The following ADGRF1 variants were observed in gnomAD, a reference collection of about 807,000 sequenced individuals.
ADGRF1 encodes adhesion G protein-coupled receptor F1, also known as G protein-coupled receptor 110.
In ADGRF1, 85 loss-of-function variants were observed where a neutral mutation model predicts 87.2. That is an observed-to-expected ratio of 0.97 (90% CI 0.82 to 1.17). The LOEUF is 1.17. Ranked by LOEUF, ADGRF1 falls within the 50% of genes most tolerant of loss-of-function variation. The pLI, the probability that ADGRF1 is intolerant of heterozygous loss-of-function variation, is 0.00. For missense variants in ADGRF1, 1,169 were observed against 1,077.2 expected, an observed-to-expected ratio of 1.09 and a Z score of -1.19; for synonymous variants, 430 against 408.8, an observed-to-expected ratio of 1.05 and a Z score of -0.63.
In ADGRF1 at chr6:47,012,145, G is replaced by A. The variant is rs762621137; in HGVS notation, c.978C>T (p.Phe326=). The part of the protein sequence containing the change: ...GNATEAAVSS[F]VQNLSVIIRQ... ...GAATGATGACAGAAAGATTTTGCAC[G>A]AAGGATGACACAGCTGCCTCAGTGG... Residue 326 remains phenylalanine, a synonymous_variant, in exon 10 of 15, where the codon TTC becomes TTT. Transcript: ENST00000371253. The A allele has an allele frequency of 2.1e-5, 34 of 1,613,876 alleles. No individual in the cohort carries two copies. Among genetic ancestry groups the A allele is most frequent in the Non-Finnish European group, 2.8e-5 (33 of 1,179,886 alleles).
intron 3 of ADGRF1, among the ~76,000 whole-genome samples, chr6:47,026,927 G>A (rs1312287521): frequency 2.0e-5 from 3 of 152,158 alleles, no homozygotes; most frequent in East Asian, 1.9e-4. Context: ...TGCTCACATC[G>A]TCAGGGGTTA....
At chr6:47,000,352 G>A in intron 14 of ADGRF1, 57 bp from the exon 15 acceptor site, 2 of 1,294,564 alleles carry the variant, frequency 1.5e-6, no homozygotes, top group South Asian at 2.5e-5. Flanking sequence ...TCAAGCATGA[G>A]ACCAAAATGA....
chr6:47,016,796 G>T, intron 7 of ADGRF1, 28 bp from the exon 8 acceptor site: 1 of 1,551,824 alleles, frequency 6.4e-7, no homozygotes, highest in South Asian at 1.2e-5. Flanking sequence ...AAAGAGAAAT[G>T]AGATTCACTA....
chr6:47,037,151 C>G (rs1186903199), intron 1 of ADGRF1, among the ~76,000 whole-genome samples: 2 of 152,160 alleles, frequency 1.3e-5, no homozygotes, highest in African/African-American at 2.4e-5. Context: ...TCCACAGTAT[C>G]TTTTTAATGT....
chr6:47,005,979 C>T (rs560522814), intron 12 of ADGRF1, 103 bp from the exon 13 acceptor site: 2 of 663,408 alleles, frequency 3.0e-6, no homozygotes, highest in East Asian at 5.7e-5. Flanking sequence ...AGTATTATTT[C>T]CTAGAAGCAG....
At chr6:47,036,549 A>C (rs1234115) in intron 1 of ADGRF1, among the ~76,000 whole-genome samples, 1 of 152,082 alleles carries the variant, frequency 6.6e-6, no homozygotes, top group African/African-American at 2.4e-5. Flanking sequence ...ACCTTTATAC[A>C]TAAATGGTCA....
chr6:47,042,001 C>T (rs1371198322), intron 1 of ADGRF1, among the ~76,000 whole-genome samples, 190 bp downstream of exon 1: 2 of 152,078 alleles, frequency 1.3e-5, no homozygotes, highest in African/African-American at 2.4e-5. Flanking sequence ...AGTTAGTAAG[C>T]GGGTTGAAAT....
At chr6:47,040,499 A>G (rs927448464) in intron 1 of ADGRF1, among the ~76,000 whole-genome samples, 4 of 150,380 alleles carry the variant, frequency 2.7e-5, no homozygotes, top group Non-Finnish European at 5.9e-5. Flanking sequence ...AAAAAAAAAA[A>G]CAGGCAAAAT....
At chr6:47,001,344 C>T (rs1267552012) in intron 14 of ADGRF1, among the ~76,000 whole-genome samples, 157 bp downstream of exon 14, 1 of 152,232 alleles carries the variant, frequency 6.6e-6, no homozygotes, top group African/African-American at 2.4e-5. Context: ...TCTGTCAGCC[C>T]TGAGCACGGT....
chr6:47,018,478 A>G (rs1779946269), intron 7 of ADGRF1: 1 of 1,289,618 alleles, frequency 7.8e-7, no homozygotes, highest in Non-Finnish European at 1.0e-6. Flanking sequence ...TGGTCACAAT[A>G]CCTTTGTATT....
chr6:47,009,179 C>T lies in ADGRF1; in HGVS notation c.2256G>A (p.Leu752=). Residue 752 remains leucine (L), a synonymous_variant, in exon 11 of 15, where the codon CTG becomes CTA. Transcript: ENST00000371253. ...KPLLAFVVPA[L]AIVAVNFVVV... ...CAACGAAGTTCACAGCCACAATAGC[C>T]AGTGCAGGGACAACAAAAGCCAGGA... The T allele has an allele frequency of 6.2e-7, 1 of 1,614,164 alleles. No individual in the cohort carries two copies. The highest frequency in any genetic ancestry group is 8.5e-7 in the Non-Finnish European group (1 of 1,180,036).
chr6:47,022,263 G>A (rs1780081541), intron 5 of ADGRF1, among the ~76,000 whole-genome samples: 1 of 152,172 alleles, frequency 6.6e-6, no homozygotes, highest in Non-Finnish European at 1.5e-5. Context: ...CAGTAATAGG[G>A]AAGTGCTGGT....
Position 46,998,537 on chromosome 6 carries a change from G to T in ADGRF1, c.*1685C>A, listed in dbSNP as rs1873318. ...AGACATACAGGCTATTCTCAACACA[G>T]AACTCATTCAGGGCTCTACTACCGG... On this transcript the variant is annotated 3_prime_UTR_variant, in exon 15 of 15. Transcript: ENST00000371253. 14,165 of 152,198 alleles carry T rather than the reference G, an allele frequency of 0.093. 1,006 individuals are homozygous for T. Among genetic ancestry groups the T allele is most frequent in the African/African-American group, 0.19 (7,684 of 41,488 alleles). 9.4% of individuals were successfully genotyped at this position (152,198 alleles called of 1,614,324 possible).
At chr6:47,021,816 G>A in intron 6 of ADGRF1, 142 bp downstream of exon 6, 1 of 575,660 alleles carries the variant, frequency 1.7e-6, no homozygotes, top group Non-Finnish European at 3.1e-6. Context: ...TTTCAACTGT[G>A]GGCAGAGCAA....
Position 47,009,260 on chromosome 6 carries a change from AT to A in ADGRF1, c.2174del (p.Asn725IlefsTer33). On this transcript the variant is annotated frameshift_variant, in exon 11 of 15. Transcript: ENST00000371253. LOFTEE classifies it high-confidence loss of function. Reference sequence around the variant, plus strand: ...AACACACATCTTTCCTTTTGTAGGTATTGCTAGGTTGCGTGACAGCAATGGT... The same window carrying A: ...AACACACATCTTTCCTTTTGTAGGTATGCTAGGTTGCGTGACAGCAATGGT... ...VITIAVTQPSNTYKRKDVCWL... is the reference protein window; with the variant it reads ...VITIAVTQPSXTYKRKDVCWL... The A allele has an allele frequency of 6.2e-7, 1 of 1,614,168 alleles. No individual in the cohort carries two copies. The highest frequency in any genetic ancestry group is 8.5e-7 in the Non-Finnish European group (1 of 1,180,020).
chr6:47,029,885 G>T (rs917508219), intron 1 of ADGRF1, among the ~76,000 whole-genome samples: 17 of 152,206 alleles, frequency 1.1e-4, no homozygotes, highest in African/African-American at 3.9e-4. Context: ...ACACAGAACG[G>T]TTACATCATT....
rs761360714 is a variant in ADGRF1, at chr6:47,020,806, A to AGAACAAT, written c.553-24_553-18dup. The AGAACAAT allele has an allele frequency of 2.2e-5, 36 of 1,605,328 alleles. No individual in the cohort carries two copies. In the Admixed American group the frequency reaches 5.8e-4, roughly 26 times the overall value. On this transcript the variant is annotated splice_polypyrimidine_tract_variant and intron_variant, in intron 6 of 14. Transcript: ENST00000371253. The stretch of plus-strand genomic sequence containing the variant: ...TTTTTTAAGCTTAGAAAGAGAACAA[A>AGAACAAT]GAACAATGTGTTAATTGTTCTTCCC...
intron 1 of ADGRF1, among the ~76,000 whole-genome samples, chr6:47,031,597 A>G (rs1780434713): frequency 6.6e-6 from 1 of 152,154 alleles, no homozygotes; most frequent in Non-Finnish European, 1.5e-5. Context: ...AATTTCAGAC[A>G]AGTGAGGAAG....
rs1472973676 is a variant in ADGRF1 at position 47,010,242 on chromosome 6, T to C, written c.1193A>G (p.Lys398Arg). The change falls in exon 11 of 15, where the codon AAG becomes AGG. Residue 398 changes from lysine (K) to arginine (R), a missense_variant. Physicochemically the swap from Lys to Arg is conservative, Grantham distance 26. Transcript: ENST00000371253. ...CTCTAGTAACCGTGAGCTGGCATACTTTTCTTCCCGCAGTAAGACTGTCCA... is the reference window on the plus strand; with the variant it reads ...CTCTAGTAACCGTGAGCTGGCATACCTTTCTTCCCGCAGTAAGACTGTCCA... Reference protein sequence around the residue: ...TNWTVLLREEKYASSRLLETL... With the variant: ...TNWTVLLREERYASSRLLETL... 6.2e-7 allele frequency: 1 copy of C among 1,613,896 alleles called. No individual in the cohort carries two copies. The highest frequency in any genetic ancestry group is 2.2e-5 in the East Asian group (1 of 44,866).
Sources: gnomAD v4.1 joint callset for allele counts (sites outside exome capture counted in the v4.1 genomes callset) on GRCh38, gnomAD v4.1.1 for gene constraint, MANE v1.5 for transcripts, NCBI Gene and HGNC (gene_info 2026-07-23, HGNC 2026-07-21) for gene names.